SGCD: variants seen among roughly 807,000 people sequenced by gnomAD.
SGCD encodes delta-sarcoglycan.
In SGCD, 18 loss-of-function variants were observed where a neutral mutation model predicts 36.6. The observed-to-expected ratio is 0.49, with a 90% CI of 0.34 to 0.73. SGCD has a LOEUF of 0.73. SGCD is among the 30% of genes least tolerant of loss of function. The pLI is 0.01. For synonymous variants in SGCD, 133 were observed against 130.6 expected, an observed-to-expected ratio of 1.02 and a Z score of -0.12; for missense variants, 387 against 346.7, an observed-to-expected ratio of 1.12 and a Z score of -0.92.
At chr5:156,121,280 C>A (rs376315906) in intron 2 of SGCD, among the ~76,000 whole-genome samples, 2 of 152,194 alleles carry the variant, frequency 1.3e-5, no homozygotes, top group East Asian at 1.9e-4. Context: ...TGAGCACTAA[C>A]ATTATGTACA....
At chr5:156,342,122 T>C (rs1768689530) in intron 2 of SGCD, among the ~76,000 whole-genome samples, 2 of 152,218 alleles carry the variant, frequency 1.3e-5, no homozygotes, top group Non-Finnish European at 2.9e-5. Flanking sequence ...AGTATGTGTA[T>C]GAAAACAAGA....
intron 3 of SGCD, among the ~76,000 whole-genome samples, chr5:156,413,852 T>A (rs956732915): frequency 6.6e-6 from 1 of 152,216 alleles, no homozygotes; most frequent in Non-Finnish European, 1.5e-5. Flanking sequence ...ATTTTTTTTT[T>A]TTATTTTTGG....
In SGCD at chr5:156,759,485, T is replaced by C; in HGVS notation, c.*95T>C. On this transcript the variant is annotated 3_prime_UTR_variant, in exon 9 of 9. Transcript: ENST00000337851. Reference sequence around the variant, plus strand: ...TATTTTTACTAGAACACAGAAAGCCTATCAAAGACCTTGTGTGTATGTGTA... The same window carrying C: ...TATTTTTACTAGAACACAGAAAGCCCATCAAAGACCTTGTGTGTATGTGTA... The C allele has an allele frequency of 1.2e-6, 1 of 851,238 alleles. No individual in the cohort carries two copies. Among genetic ancestry groups the C allele is most frequent in the Non-Finnish European group, 1.8e-6 (1 of 544,338 alleles). 52.7% of individuals were successfully genotyped at this position (851,238 alleles called of 1,614,324 possible).
the SGCD span, among the ~76,000 whole-genome samples, chr5:155,855,010 A>G: frequency 6.6e-6 from 1 of 152,184 alleles, no homozygotes; most frequent in Non-Finnish European, 1.5e-5. Flanking sequence ...CTGATTCTTA[A>G]AGATGCCGCT....
At chr5:155,975,372 G>A (rs1581021886) in intron 1 of SGCD, among the ~76,000 whole-genome samples, 1 of 152,132 alleles carries the variant, frequency 6.6e-6, no homozygotes, top group African/African-American at 2.4e-5. Flanking sequence ...TGATTTTCAT[G>A]AACAGGAGGG....
intron 3 of SGCD, among the ~76,000 whole-genome samples, chr5:156,242,198 G>C (rs1765322738): frequency 6.6e-6 from 1 of 152,292 alleles, no homozygotes; most frequent in Non-Finnish European, 1.5e-5. Context: ...CTATTGCTAA[G>C]TTCAAAATCT....
At chr5:156,075,506 C>T (rs1227594989) in intron 1 of SGCD, among the ~76,000 whole-genome samples, 2 of 152,006 alleles carry the variant, frequency 1.3e-5, no homozygotes, top group Non-Finnish European at 2.9e-5. Context: ...AATCCAAACC[C>T]AGATTGAGGG....
chr5:156,451,662 G>A (rs984269263), intron 3 of SGCD, among the ~76,000 whole-genome samples: 1 of 152,136 alleles, frequency 6.6e-6, no homozygotes, highest in Non-Finnish European at 1.5e-5. Flanking sequence ...GAAGACAAAA[G>A]TTATGAAATA....
chr5:155,860,365 T>C, the SGCD span, among the ~76,000 whole-genome samples: 6 of 152,334 alleles, frequency 3.9e-5, 1 homozygote, highest in African/African-American at 1.4e-4. Flanking sequence ...TATTTTATCA[T>C]TTTAGAAAGG....
the SGCD span, among the ~76,000 whole-genome samples, chr5:155,762,953 A>T: frequency 6.6e-6 from 1 of 152,162 alleles, no homozygotes; most frequent in Admixed American, 6.5e-5. Flanking sequence ...CATTACTTAT[A>T]TGGGGTGTCT....
Position 156,647,481 on chromosome 5 carries a change from T to C in SGCD, c.520T>C (p.Phe174Leu). 6.3e-7 allele frequency: 1 copy of C among 1,586,248 alleles called. No individual in the cohort carries two copies. The highest frequency in any genetic ancestry group is 8.6e-7 in the Non-Finnish European group (1 of 1,164,338). Residue 174 changes from phenylalanine to leucine, a missense_variant, in exon 7 of 9, where the codon TTC becomes CTC. Phe to Leu is a conservative substitution (Grantham distance 22). Transcript: ENST00000337851. ...GTTTACAGGAGCGGAGGGCACAGTG[T>C]TCCCTAAATCTATAGAAACACCTAA... ...LRVLGAEGTVFPKSIETPNVR... is the reference protein window; with the variant it reads ...LRVLGAEGTVLPKSIETPNVR...
rs186214784 is a variant in SGCD at position 156,609,494 on chromosome 5, C to A, written c.502+14443C>A. ...CCCTTAACATTTTTTCCTTCATTTC[C>A]ACTTTGGTGAATCTGACAATTATGT... On this transcript the variant is annotated intron_variant, in intron 6 of 8. Transcript: ENST00000337851. 2.1e-3 allele frequency among the ~76,000 whole-genome samples: 314 copies of A among 152,192 alleles called. No homozygotes were observed. In the Middle Eastern group the frequency reaches 0.044, roughly 21 times the overall value.
chr5:156,172,990 T>C (rs1208381444), intron 3 of SGCD, among the ~76,000 whole-genome samples: 1 of 152,160 alleles, frequency 6.6e-6, no homozygotes, highest in Admixed American at 6.5e-5. Flanking sequence ...AAATTTTATA[T>C]ACATTAATCA....
At chr5:156,086,388 T>C (rs1581090581) in intron 1 of SGCD, among the ~76,000 whole-genome samples, 1 of 152,344 alleles carries the variant, frequency 6.6e-6, no homozygotes, top group African/African-American at 2.4e-5. Flanking sequence ...AGTGACTTAT[T>C]GCAGAGCTAG....
intron 1 of SGCD, among the ~76,000 whole-genome samples, chr5:155,907,995 A>T (rs918605265): frequency 2.6e-5 from 4 of 152,150 alleles, no homozygotes; most frequent in African/African-American, 9.7e-5. Flanking sequence ...AGCCACTCCA[A>T]CACTGAGCAA....
chr5:156,112,598 A>T (rs1761813496), intron 1 of SGCD, among the ~76,000 whole-genome samples: 1 of 152,204 alleles, frequency 6.6e-6, no homozygotes, highest in Non-Finnish European at 1.5e-5. Context: ...ATTGAGAACC[A>T]GGGAGCTAGA....
At chr5:156,155,162 G>T (rs1762923018) in intron 3 of SGCD, among the ~76,000 whole-genome samples, 1 of 151,586 alleles carries the variant, frequency 6.6e-6, no homozygotes, top group South Asian at 2.1e-4. Context: ...TGTTAGAAAT[G>T]TAGCCACCAA....
rs753308678 is a variant in SGCD, at chr5:156,613,350, G to A, written c.502+18299G>A. Among the ~76,000 whole-genome samples, 36 of 152,314 alleles carry A rather than the reference G, an allele frequency of 2.4e-4. No homozygotes were observed. The South Asian group carries it at 6.8e-3, about 29-fold the overall frequency. ...ATAAATTTGCTTAGAACTTGTAGGA[G>A]TATTCATATATCAGGTATGTTTGGA... On this transcript the variant is annotated intron_variant, in intron 6 of 8. Coordinates refer to ENST00000337851, the MANE Select transcript of SGCD (RefSeq NM_000337.6).
At chr5:155,728,464 C>T in the SGCD span, among the ~76,000 whole-genome samples, 3 of 152,196 alleles carry the variant, frequency 2.0e-5, no homozygotes, top group African/African-American at 7.2e-5. Flanking sequence ...AGGAGGGGCA[C>T]GGCGGATTGA....
Sources: gnomAD v4.1 joint callset for allele counts (sites outside exome capture counted in the v4.1 genomes callset) on GRCh38, gnomAD v4.1.1 for gene constraint, MANE v1.5 for transcripts, NCBI Gene and HGNC (gene_info 2026-07-23, HGNC 2026-07-21) for gene names.